TRPA1: variants seen among roughly 807,000 people sequenced by gnomAD.
TRPA1 encodes the protein ankyrin-like with transmembrane domains 1.
Under a neutral mutation model 131.3 loss-of-function variants are expected in TRPA1, and 129 were observed. The ratio of observed to expected loss-of-function variants is 0.98; its 90% CI spans 0.85 to 1.14. The LOEUF is 1.14. Among genes scored for constraint, TRPA1 ranks in the 50% most tolerant of loss-of-function variants. The pLI is 0.00. For missense variants in TRPA1, 1,304 were observed against 1,354.2 expected, an observed-to-expected ratio of 0.96 and a Z score of 0.58; for synonymous variants, 441 against 451.7, an observed-to-expected ratio of 0.98 and a Z score of 0.30.
intron 5 of TRPA1, 144 bp from the exon 6 acceptor site, chr8:72,063,088 T>C: frequency 1.1e-6 from 1 of 888,210 alleles, no homozygotes; most frequent in South Asian, 1.8e-5. Context: ...CTGTTAAATA[T>C]TTTTCAAATT....
intron 2 of TRPA1, among the ~76,000 whole-genome samples, chr8:72,070,027 A>T (rs938609020): frequency 7.9e-5 from 12 of 152,212 alleles, no homozygotes; most frequent in Admixed American, 2.6e-4. Context: ...GCAATACCAT[A>T]TATGGTACTA....
At chr8:72,046,822 G>A (rs186097224) in intron 16 of TRPA1, among the ~76,000 whole-genome samples, 32 of 152,084 alleles carry the variant, frequency 2.1e-4, no homozygotes, top group Middle Eastern at 3.4e-3. Flanking sequence ...TTATTCAATT[G>A]CTTTGTATCT....
At chr8:72,046,024 G>T (rs1471820411) in intron 17 of TRPA1, among the ~76,000 whole-genome samples, 1 of 151,972 alleles carries the variant, frequency 6.6e-6, no homozygotes, top group Non-Finnish European at 1.5e-5. Flanking sequence ...GAACTTAGAA[G>T]CTGTGGCTGT....
Position 72,033,671 on chromosome 8 carries a change from A to G in TRPA1, c.2841T>C (p.Phe947=). Residue 947 remains phenylalanine, a synonymous_variant, in exon 23 of 27, where the codon TTT becomes TTC. Transcript: ENST00000262209. ...GTAAATTCATGAGGACAATTGGGAC[A>G]AATATTGTGAAGGAAACAAGTTGTG... is the stretch of plus-strand genomic sequence containing the variant. ...SFAQLVSFTI[F]VPIVLMNLLI... 6.2e-7 allele frequency: 1 copy of G among 1,614,056 alleles called. No individual in the cohort carries two copies. The highest frequency in any genetic ancestry group is 8.5e-7 in the Non-Finnish European group (1 of 1,179,950).
At position 72,075,398 on chromosome 8, in the gene TRPA1, G is replaced by T; in HGVS notation, c.12C>A (p.Ser4Arg). The change falls in exon 1 of 27, where the codon AGC (serine) becomes AGA (arginine). Residue 4 changes from serine (S) to arginine (R), a missense_variant. Coordinates refer to ENST00000262209, the MANE Select transcript of TRPA1 (RefSeq NM_007332.3). MKR[S>R]LRKMWRPGEK... ...CTCCAGGGCGCCACATCTTCCTCAG[G>T]CTGCGCTTCATTGACCCCACCCCGG... 1.2e-6 allele frequency: 2 copies of T among 1,608,822 alleles called. No homozygotes were observed. Among genetic ancestry groups the T allele is most frequent in the Non-Finnish European group, 8.5e-7 (1 of 1,179,620 alleles).
chr8:72,033,663 A>G lies in TRPA1; in HGVS notation c.2849T>C (p.Ile950Thr). 4 of 1,613,946 alleles carry G rather than the reference A, an allele frequency of 2.5e-6. No individual in the cohort carries two copies. Among genetic ancestry groups the G allele is most frequent in the South Asian group, 1.1e-5 (1 of 91,050 alleles). Residue 950 changes from isoleucine (I) to threonine (T), a missense_variant, in exon 23 of 27, where the codon ATT becomes ACT. Ile to Thr is a moderately conservative substitution (Grantham distance 89). Coordinates refer to ENST00000262209, the MANE Select transcript of TRPA1 (RefSeq NM_007332.3). ...ACTTACAAGTAAATTCATGAGGACA[A>G]TTGGGACAAATATTGTGAAGGAAAC... is the stretch of plus-strand genomic sequence containing the variant. ...QLVSFTIFVP[I>T]VLMNLLIGLA...
chr8:72,067,057 T>C (rs1024917128), intron 3 of TRPA1, among the ~76,000 whole-genome samples: 2 of 152,214 alleles, frequency 1.3e-5, no homozygotes, highest in Non-Finnish European at 2.9e-5. Context: ...CAGGGAATAT[T>C]ATGCATACCA....
intron 19 of TRPA1, among the ~76,000 whole-genome samples, chr8:72,038,567 A>G (rs892384249): frequency 7.9e-5 from 12 of 152,156 alleles, no homozygotes; most frequent in African/African-American, 2.6e-4. Context: ...GTCCCTGGCA[A>G]CTACAAATCT....
chr8:72,050,099 C>G (rs1805460915), intron 15 of TRPA1, among the ~76,000 whole-genome samples: 1 of 152,104 alleles, frequency 6.6e-6, no homozygotes, highest in South Asian at 2.1e-4. Context: ...CCCTCTCCCC[C>G]CACCCCACGA....
intron 12 of TRPA1, 134 bp from the exon 13 acceptor site, chr8:72,054,001 T>A: frequency 1.5e-6 from 1 of 677,994 alleles, no homozygotes; most frequent in Non-Finnish European, 2.6e-6. Flanking sequence ...TAAATATTTA[T>A]AAAACATTTA....
At chr8:72,054,788 C>T (rs1000556645) in intron 12 of TRPA1, 3 of 152,342 alleles carry the variant, frequency 2.0e-5, no homozygotes, top group Non-Finnish European at 2.9e-5. Flanking sequence ...CTCTTTGCTA[C>T]TGCTATGGTA....
chr8:72,054,118 C>T (rs1805600053), intron 12 of TRPA1: 3 of 488,784 alleles, frequency 6.1e-6, no homozygotes, highest in Non-Finnish European at 1.1e-5. Flanking sequence ...TATATAAACA[C>T]ATTACCAAAC....
chr8:72,033,840 G>C lies in TRPA1; in HGVS notation c.2686-14C>G, dbSNP rs1007130009. 2.5e-6 allele frequency: 4 copies of C among 1,612,562 alleles called. No individual in the cohort carries two copies. The highest frequency in any genetic ancestry group is 3.4e-6 in the Non-Finnish European group (4 of 1,178,786). ...GCTGAAGGGATCCTGAAAGCAGACG[G>C]TGAGGTACAAATGAAATGCAAAGTT... On this transcript the variant is annotated splice_polypyrimidine_tract_variant and intron_variant, in intron 22 of 26. Transcript: ENST00000262209.
the TRPA1 span, among the ~76,000 whole-genome samples, chr8:72,086,925 A>G: frequency 6.6e-6 from 1 of 152,234 alleles, no homozygotes; most frequent in Non-Finnish European, 1.5e-5. Context: ...TGACTTAACA[A>G]AAAGATAAAC....
intron 13 of TRPA1, chr8:72,053,007 A>AG (rs1805559274): frequency 5.6e-4 from 131 of 232,104 alleles, no homozygotes; most frequent in African/African-American, 8.1e-4. Flanking sequence ...GAGATAGAGA[A>AG]AGAGAGAGAG....
chr8:72,042,555 A>G (rs73312058), intron 17 of TRPA1, among the ~76,000 whole-genome samples: 82 of 152,050 alleles, frequency 5.4e-4, no homozygotes, highest in African/African-American at 1.9e-3. Flanking sequence ...CAGCAAGCCT[A>G]CTTCTAAATG....
At chr8:72,038,773 T>TTATCAG (rs1343458282) in intron 19 of TRPA1, 92 bp downstream of exon 19, 1 of 1,104,880 alleles carries the variant, frequency 9.1e-7, no homozygotes, top group Non-Finnish European at 1.3e-6. Context: ...AATAAAGTCC[T>TTATCAG]GATATGTCAG....
intron 17 of TRPA1, among the ~76,000 whole-genome samples, chr8:72,040,238 C>G (rs1431295138): frequency 6.6e-6 from 1 of 152,016 alleles, no homozygotes; most frequent in Non-Finnish European, 1.5e-5. Flanking sequence ...TTTGTGACTA[C>G]TAGTATTTAT....
chr8:72,049,745 C>T (rs553810939), intron 15 of TRPA1, among the ~76,000 whole-genome samples: 14 of 152,224 alleles, frequency 9.2e-5, no homozygotes, highest in African/African-American at 3.1e-4. Flanking sequence ...CCATGCCAGG[C>T]ATAAGAGCTT....
Sources: allele counts gnomAD v4.1 joint callset (sites outside exome capture counted in the v4.1 genomes callset), GRCh38; gene constraint gnomAD v4.1.1; transcripts MANE v1.5; gene names NCBI Gene and HGNC (gene_info 2026-07-23, HGNC 2026-07-21).